Variants in CTNND2 observed in about 807,000 individuals in gnomAD.
CTNND2 encodes the protein catenin delta 2.
A neutral mutation model predicts 144.4 loss-of-function variants in CTNND2; 22 were observed. The ratio of observed to expected loss-of-function variants is 0.15; its 90% CI spans 0.11 to 0.22. CTNND2 has a LOEUF of 0.22. CTNND2 is among the 10% of genes least tolerant of loss of function. CTNND2 has a pLI of 1.00. For missense variants in CTNND2, 1,353 were observed against 1,618.8 expected (o/e 0.84, Z 2.82); for synonymous variants, 751 against 695.6 (o/e 1.08, Z -1.25).
intron 18 of CTNND2, among the ~76,000 whole-genome samples, chr5:11,013,049 C>T (rs759585705): frequency 2.6e-5 from 4 of 152,194 alleles, no homozygotes; most frequent in Non-Finnish European, 5.9e-5. Flanking sequence ...AGATCTCTCT[C>T]ACCTTCCCCT....
intron 1 of CTNND2, among the ~76,000 whole-genome samples, chr5:11,732,708 A>G (rs1013082548): frequency 2.6e-5 from 4 of 152,104 alleles, no homozygotes; most frequent in East Asian, 3.9e-4. Context: ...TTCCTGGCTC[A>G]TATCTCCCAT....
At chr5:11,396,404 GCTT>G (rs1760140181) in intron 6 of CTNND2, among the ~76,000 whole-genome samples, 2 of 151,924 alleles carry the variant, frequency 1.3e-5, no homozygotes, top group African/African-American at 4.8e-5. Context: ...ATTGGTAGCT[GCTT>G]CTTTTTACCA....
intron 3 of CTNND2, among the ~76,000 whole-genome samples, chr5:11,448,020 C>G (rs936966327): frequency 6.6e-6 from 1 of 152,096 alleles, no homozygotes; most frequent in Non-Finnish European, 1.5e-5. Flanking sequence ...CTAAATCAAG[C>G]CTTGGGCAAG....
chr5:11,138,647 A>C (rs10513075), intron 12 of CTNND2, among the ~76,000 whole-genome samples: 2,686 of 152,228 alleles, frequency 0.018, 35 homozygotes, highest in Admixed American at 0.043. Context: ...CAATATTCTA[A>C]ACCTTGTTAC....
intron 1 of CTNND2, among the ~76,000 whole-genome samples, chr5:11,812,684 A>G (rs1009598656): frequency 1.3e-5 from 2 of 152,234 alleles, no homozygotes; most frequent in East Asian, 1.9e-4. Context: ...TGATTAAAGA[A>G]AAAAGGTTCC....
chr5:11,279,313 C>G (rs1158383026), intron 9 of CTNND2, among the ~76,000 whole-genome samples: 2 of 152,170 alleles, frequency 1.3e-5, no homozygotes, highest in Admixed American at 1.3e-4. Flanking sequence ...TCCAGCAGCT[C>G]AATTAATGGC....
chr5:11,404,959 A>G (rs914681361), intron 5 of CTNND2, among the ~76,000 whole-genome samples: 9 of 151,982 alleles, frequency 5.9e-5, no homozygotes, highest in African/African-American at 2.2e-4. Context: ...ACATCTTCAT[A>G]ATGTGTTACT....
chr5:11,786,068 GA>G (rs1241376219), intron 1 of CTNND2, among the ~76,000 whole-genome samples: 117 of 152,286 alleles, frequency 7.7e-4, no homozygotes, highest in Non-Finnish European at 1.9e-4. Context: ...CACCCTATTC[GA>G]CCAGACCCCC....
chr5:11,332,374 C>T (rs1486087100), intron 9 of CTNND2, among the ~76,000 whole-genome samples: 1 of 152,004 alleles, frequency 6.6e-6, no homozygotes, highest in African/African-American at 2.4e-5. Flanking sequence ...GGTGCTGCCT[C>T]CCTGGGGATT....
chr5:11,505,587 G>A (rs1341307519), intron 3 of CTNND2, among the ~76,000 whole-genome samples: 2 of 152,042 alleles, frequency 1.3e-5, no homozygotes, highest in Non-Finnish European at 2.9e-5. Flanking sequence ...TGTAGAGCCA[G>A]AAAACAAAAA....
chr5:11,598,383 T>C (rs1034046760), intron 2 of CTNND2, among the ~76,000 whole-genome samples: 1 of 152,190 alleles, frequency 6.6e-6, no homozygotes, highest in Non-Finnish European at 1.5e-5. Context: ...GGTAAGTTTC[T>C]AGGTGTGCCA....
At chr5:11,192,808 C>G in intron 11 of CTNND2, among the ~76,000 whole-genome samples, 1 of 152,194 alleles carries the variant, frequency 6.6e-6, no homozygotes, top group East Asian at 1.9e-4. Context: ...GAAAATCAAT[C>G]TTCCTTGTGT....
intron 9 of CTNND2, 82 bp from the exon 10 acceptor site, chr5:11,236,905 A>G (rs1741698938): frequency 1.4e-6 from 2 of 1,454,236 alleles, no homozygotes; most frequent in Admixed American, 1.8e-5. Flanking sequence ...CGTGTATGAA[A>G]TGTACCTGAC....
chr5:11,609,746 G>A (rs1430894089), intron 2 of CTNND2, among the ~76,000 whole-genome samples: 1 of 152,172 alleles, frequency 6.6e-6, no homozygotes, highest in Non-Finnish European at 1.5e-5. Context: ...TCTTGGCAAA[G>A]CCTGGCTGGG....
At chr5:11,556,579 A>C (rs1776254498) in intron 3 of CTNND2, among the ~76,000 whole-genome samples, 1 of 152,192 alleles carries the variant, frequency 6.6e-6, no homozygotes, top group East Asian at 1.9e-4. Context: ...CTCTAAAATA[A>C]GTCTGACTTT....
intron 1 of CTNND2, among the ~76,000 whole-genome samples, chr5:11,737,510 G>T (rs1787754359): frequency 6.6e-6 from 1 of 152,152 alleles, no homozygotes; most frequent in Non-Finnish European, 1.5e-5. Flanking sequence ...TTTCGGGTGG[G>T]TTCTTCTAGC....
intron 1 of CTNND2, among the ~76,000 whole-genome samples, chr5:11,822,297 C>T (rs1793356857): frequency 6.6e-6 from 1 of 152,066 alleles, no homozygotes; most frequent in Non-Finnish European, 1.5e-5. Context: ...GGAGAGTTGG[C>T]ATAAATTATG....
intron 16 of CTNND2, among the ~76,000 whole-genome samples, chr5:11,078,618 CA>C (rs1263684483): frequency 6.6e-6 from 1 of 151,826 alleles, no homozygotes; most frequent in Non-Finnish European, 1.5e-5. Flanking sequence ...TTTAATCCAC[CA>C]AAAGAAAAAA....
At chr5:11,090,059 G>T (rs936298782) in intron 15 of CTNND2, among the ~76,000 whole-genome samples, 1 of 152,148 alleles carries the variant, frequency 6.6e-6, no homozygotes, top group Non-Finnish European at 1.5e-5. Context: ...ATGCTCCTTT[G>T]GGAGTGTGTT....
Sources: gnomAD v4.1 joint callset for allele counts (sites outside exome capture counted in the v4.1 genomes callset) on GRCh38, gnomAD v4.1.1 for gene constraint, MANE v1.5 for transcripts, NCBI Gene and HGNC (gene_info 2026-07-23, HGNC 2026-07-21) for gene names.